PRR5: variants seen among roughly 807,000 people sequenced by gnomAD.
The protein encoded by PRR5 is proline-rich protein 5.
PRR5 carries 25 observed loss-of-function variants against 30.6 expected under a neutral mutation model. The ratio of observed to expected loss-of-function variants is 0.82; its 90% CI spans 0.60 to 1.14. The LOEUF (loss-of-function observed/expected upper bound fraction) is 1.14. PRR5 is among the 50% of genes most tolerant of loss of function. The pLI, the probability that PRR5 is intolerant of heterozygous loss-of-function variation, is 0.00. For synonymous variants in PRR5, 286 were observed against 247.1 expected (o/e 1.16, Z -1.48); for missense variants, 600 against 547.1 (o/e 1.10, Z -0.96).
chr22:44,681,229 G>T (rs1924255715), intron 1 of PRR5, among the ~76,000 whole-genome samples: 1 of 152,162 alleles, frequency 6.6e-6, no homozygotes, highest in African/African-American at 2.4e-5. Context: ...TCACCCGGAG[G>T]GCCAGCCTTC....
At chr22:44,680,113 G>A (rs894497820) in intron 1 of PRR5, among the ~76,000 whole-genome samples, 1 of 152,172 alleles carries the variant, frequency 6.6e-6, no homozygotes, top group African/African-American at 2.4e-5. Context: ...CTCAACAAAC[G>A]TTTCTCAGAA....
chr22:44,671,955 G>A (rs1183062617), intron 1 of PRR5, among the ~76,000 whole-genome samples: 1 of 152,254 alleles, frequency 6.6e-6, no homozygotes, highest in East Asian at 1.9e-4. Context: ...TAGCCACGTG[G>A]TCTTGCTATA....
rs1404984766 is a variant in PRR5 at position 44,691,925 on chromosome 22, G to A, written c.-10-10567G>A. ...GGCCTTGCCAGTGTCCAGAGGAGCC[G>A]ACATCACCTCCACAGTCGGCTCTGT... On this transcript the variant is annotated intron_variant, in intron 1 of 8. Transcript: ENST00000006251. The surrounding 1 kb of genome is among the most constrained non-coding windows in gnomAD (Gnocchi z 4.4). 6.6e-6 allele frequency among the ~76,000 whole-genome samples: 1 copy of A among 151,986 alleles called. No homozygotes were observed. The highest frequency in any genetic ancestry group is 1.5e-5 in the Non-Finnish European group (1 of 67,990).
At chr22:44,701,726 G>T (rs1926313528), upstream of PRR5, among the ~76,000 whole-genome samples, 1 of 152,212 alleles carries the variant, frequency 6.6e-6, no homozygotes, top group African/African-American at 2.4e-5. Flanking sequence ...CGGGTGGAGT[G>T]GGTTCTTGGG....
intron 4 of PRR5, 119 bp from the exon 5 acceptor site, chr22:44,731,611 C>G (rs1451003328): frequency 3.1e-6 from 3 of 961,964 alleles, no homozygotes; most frequent in South Asian, 2.7e-5. Flanking sequence ...TGGGCAGGTG[C>G]TGCCAGGGGC....
intron 2 of PRR5, among the ~76,000 whole-genome samples, chr22:44,719,731 C>T (rs1929649072): frequency 6.6e-6 from 1 of 152,158 alleles, no homozygotes; most frequent in Non-Finnish European, 1.5e-5. Context: ...CTCAGGTTAG[C>T]GCAGGAGTTC....
At chr22:44,674,361 C>T (rs186345806), upstream of PRR5, among the ~76,000 whole-genome samples, 6,272 of 151,940 alleles carry the variant, frequency 0.041, 266 homozygotes, top group African/African-American at 0.11. Context: ...TGCAGCCAGG[C>T]ACGGTGGCTC....
intron 5 of PRR5, 46 bp from the exon 6 acceptor site, chr22:44,732,205 A>T (rs949868204): frequency 6.2e-7 from 1 of 1,601,390 alleles, no homozygotes; most frequent in Non-Finnish European, 8.5e-7. Flanking sequence ...GGAGATGAGG[A>T]CGCATGTGAC....
upstream of PRR5, among the ~76,000 whole-genome samples, chr22:44,700,629 G>T (rs763657914): frequency 7.9e-5 from 12 of 152,276 alleles, no homozygotes; most frequent in Non-Finnish European, 1.5e-4. Context: ...GTCTCAAAAA[G>T]AAAAGAAAAC....
chr22:44,727,105 T>C (rs1182120096), intron 4 of PRR5, among the ~76,000 whole-genome samples: 1 of 139,110 alleles, frequency 7.2e-6, no homozygotes, highest in East Asian at 2.1e-4. Context: ...TGTTCCTGAG[T>C]GGGAGAGTAC....
chr22:44,730,490 T>G (rs1181597202), intron 4 of PRR5: 2 of 988,846 alleles, frequency 2.0e-6, no homozygotes, highest in African/African-American at 3.5e-5. Flanking sequence ...AGAGCCAGCT[T>G]GGGCAGCTGT....
At chr22:44,696,839 C>T (rs909938199) in intron 1 of PRR5, among the ~76,000 whole-genome samples, 1 of 152,196 alleles carries the variant, frequency 6.6e-6, no homozygotes, top group East Asian at 1.9e-4. Flanking sequence ...AGGGTTCGAG[C>T]GATTCTCCTG....
rs998150606 is a variant in PRR5, at chr22:44,730,540, G to T, written c.323-1190G>T. 8.1e-6 allele frequency: 8 copies of T among 988,680 alleles called. No homozygotes were observed. In the African/African-American group the frequency reaches 1.2e-4, roughly 15 times the overall value. The allele number at this position is 988,680 out of a possible 1,614,324, so 61.2% of individuals were successfully genotyped here. On this transcript the variant is annotated intron_variant, in intron 4 of 7. Transcript: ENST00000336985. Reference sequence around the variant, plus strand: ...GGTCACTCACCTGGTGCATGGCACCGTTCCTCTCAAGGCCAGCAGAAATCC... The same window carrying T: ...GGTCACTCACCTGGTGCATGGCACCTTTCCTCTCAAGGCCAGCAGAAATCC...
chr22:44,705,296 G>A (rs1053805349), intron 1 of PRR5, among the ~76,000 whole-genome samples: 8 of 151,990 alleles, frequency 5.3e-5, no homozygotes, highest in African/African-American at 9.7e-5. Flanking sequence ...TCATTTCCAC[G>A]TCCAAATCTC....
intron 2 of PRR5, among the ~76,000 whole-genome samples, chr22:44,721,042 GAGA>G (rs1177421739): frequency 6.6e-6 from 1 of 152,170 alleles, no homozygotes; most frequent in Non-Finnish European, 1.5e-5. Flanking sequence ...CATGGGCAGG[GAGA>G]AGACCAGAAA....
At chr22:44,695,923 C>CTTTTTTTTTTTTT (rs79228617) in intron 1 of PRR5, among the ~76,000 whole-genome samples, 2 of 73,344 alleles carry the variant, frequency 2.7e-5, no homozygotes, top group Non-Finnish European at 2.4e-5. Flanking sequence ...ATTCTGACAA[C>CTTTTTTTTTTTTT]TTTTTTTTTT....
chr22:44,720,754 C>T (rs184523999), intron 2 of PRR5, among the ~76,000 whole-genome samples: 161 of 152,276 alleles, frequency 1.1e-3, no homozygotes, highest in African/African-American at 3.6e-3. Flanking sequence ...TGGTGGGCAC[C>T]GTGCAAATGG....
At chr22:44,692,746 C>T (rs1925393394) in intron 1 of PRR5, among the ~76,000 whole-genome samples, 1 of 152,204 alleles carries the variant, frequency 6.6e-6, no homozygotes, top group South Asian at 2.1e-4. Flanking sequence ...CCCGGGAGTC[C>T]GTCCCGCTCT....
rs774516135 is a variant in PRR5, at chr22:44,737,208, C to G, written c.1128C>G (p.Ser376=). ...DFGRGRGSGM[S]DLEGSGGRQS... Reference sequence around the variant, plus strand: ...GCCGGGGCCGGGGCTCTGGCATGTCCGACTTGGAGGGCTCTGGGGGCCGGC... The same window carrying G: ...GCCGGGGCCGGGGCTCTGGCATGTCGGACTTGGAGGGCTCTGGGGGCCGGC... The change falls in exon 8 of 8, where the codon TCC becomes TCG. Residue 376 remains serine (S), a synonymous_variant. Coordinates refer to ENST00000336985, the MANE Select transcript of PRR5 (RefSeq NM_181333.4). The G allele has an allele frequency of 8.1e-6, 13 of 1,609,040 alleles. No individual in the cohort carries two copies. The highest frequency in any genetic ancestry group is 8.5e-6 in the Non-Finnish European group (10 of 1,176,980).
Sources: allele counts gnomAD v4.1 joint callset (sites outside exome capture counted in the v4.1 genomes callset), GRCh38; gene constraint gnomAD v4.1.1; non-coding constraint Gnocchi (gnomAD v3.1); transcripts MANE v1.5; gene names NCBI Gene and HGNC (gene_info 2026-07-23, HGNC 2026-07-21).